PCDHA2: variants seen among roughly 807,000 people sequenced by gnomAD.
PCDHA2 encodes the protein protocadherin alpha 2, also known as protocadherin alpha-2.
Under a neutral mutation model 66.0 loss-of-function variants are expected in PCDHA2, and 58 were observed. That is an observed-to-expected ratio of 0.88 (90% CI 0.71 to 1.09). The LOEUF (loss-of-function observed/expected upper bound fraction) is 1.09. PCDHA2 is among the 50% of genes least tolerant of loss of function. The pLI, the probability that PCDHA2 is intolerant of heterozygous loss-of-function variation, is 0.00. For missense variants in PCDHA2, 1,267 were observed against 1,242.3 expected (o/e 1.02, Z -0.30); for synonymous variants, 634 against 554.0 (o/e 1.14, Z -2.03).
At chr5:140,950,551 G>T (rs1162032370) in intron 1 of PCDHA2, among the ~76,000 whole-genome samples, 1 of 151,932 alleles carries the variant, frequency 6.6e-6, no homozygotes, top group African/African-American at 2.4e-5. Context: ...CATGGCTGGG[G>T]GGACACTTAT....
At chr5:140,832,611 T>C (rs1288145538) in intron 1 of PCDHA2, among the ~76,000 whole-genome samples, 1 of 152,132 alleles carries the variant, frequency 6.6e-6, no homozygotes, top group Non-Finnish European at 1.5e-5. Context: ...TGCTAGTGAG[T>C]AAATGTTTTT....
chr5:140,983,897 G>A (rs155365), intron 3 of PCDHA2, among the ~76,000 whole-genome samples: 149,305 of 152,360 alleles, frequency 0.98, 73,183 homozygotes, highest in Middle Eastern at 1. Flanking sequence ...AAGGGCATTC[G>A]TTGATTCTAA....
At chr5:140,907,181 A>T (rs1216886799) in intron 1 of PCDHA2, among the ~76,000 whole-genome samples, 3 of 152,220 alleles carry the variant, frequency 2.0e-5, no homozygotes, top group African/African-American at 7.2e-5. Context: ...GATTCAGAGC[A>T]TACACAACCT....
chr5:140,931,659 G>A (rs1554208521), intron 1 of PCDHA2, among the ~76,000 whole-genome samples: 1 of 151,694 alleles, frequency 6.6e-6, no homozygotes, highest in Non-Finnish European at 1.5e-5. Flanking sequence ...GTTGTGGGCT[G>A]GATATTTCCT....
intron 1 of PCDHA2, among the ~76,000 whole-genome samples, chr5:140,844,191 G>A (rs1554140562): frequency 6.7e-6 from 1 of 149,410 alleles, no homozygotes; most frequent in South Asian, 2.1e-4. Flanking sequence ...CATCTTATCT[G>A]ACTTTTTAGT....
intron 1 of PCDHA2, chr5:140,807,717 A>G (rs781885240): frequency 6.2e-7 from 1 of 1,614,026 alleles, no homozygotes; most frequent in African/African-American, 1.3e-5. Context: ...CCAAATGAAT[A>G]CTTTTCTCTG....
chr5:140,921,779 T>C (rs1584242105), intron 1 of PCDHA2, among the ~76,000 whole-genome samples: 2 of 152,246 alleles, frequency 1.3e-5, no homozygotes, highest in East Asian at 3.9e-4. Context: ...AATACTGACT[T>C]GGATGTTCTA....
chr5:140,836,380 T>C (rs1554135890), intron 1 of PCDHA2: 1 of 1,613,746 alleles, frequency 6.2e-7, no homozygotes. Flanking sequence ...GCCACCGTGC[T>C]GGTGTCGCTG....
intron 2 of PCDHA2, 73 bp downstream of exon 2, chr5:140,979,080 A>T: frequency 1.3e-6 from 2 of 1,572,720 alleles, no homozygotes; most frequent in Non-Finnish European, 1.7e-6. Context: ...GCATCTCCAT[A>T]GGCCAGAAGC....
At chr5:140,852,796 T>C in intron 1 of PCDHA2, 4 of 976,920 alleles carry the variant, frequency 4.1e-6, no homozygotes, top group Non-Finnish European at 4.9e-6. Context: ...ATGCTACAGA[T>C]GTCATTTGTC....
At chr5:140,919,183 A>T (rs2079029188) in intron 1 of PCDHA2, among the ~76,000 whole-genome samples, 1 of 152,104 alleles carries the variant, frequency 6.6e-6, no homozygotes, top group Non-Finnish European at 1.5e-5. Context: ...TATCTTCCTG[A>T]TTGGTCCTTT....
intron 1 of PCDHA2, chr5:140,822,934 T>C: frequency 6.2e-7 from 1 of 1,614,238 alleles, no homozygotes; most frequent in Non-Finnish European, 8.5e-7. Context: ...GGTGACCTGC[T>C]CCCTAATGCC....
chr5:140,808,231 A>T, intron 1 of PCDHA2: 1 of 1,614,258 alleles, frequency 6.2e-7, no homozygotes, highest in Non-Finnish European at 8.5e-7. Context: ...ATAATGTCCC[A>T]GATTTGGAAT....
At chr5:140,911,592 A>G (rs1255304289) in intron 1 of PCDHA2, among the ~76,000 whole-genome samples, 1 of 152,212 alleles carries the variant, frequency 6.6e-6, no homozygotes, top group Non-Finnish European at 1.5e-5. Flanking sequence ...GGAGGAACCA[A>G]CCAACTTCAT....
chr5:140,944,191 G>C (rs181232402), intron 1 of PCDHA2, among the ~76,000 whole-genome samples: 1 of 151,980 alleles, frequency 6.6e-6, no homozygotes, highest in East Asian at 1.9e-4. Context: ...GGTTTGTTTT[G>C]TTTTGTTTTG....
At chr5:140,997,510 C>T (rs536611731) in intron 3 of PCDHA2, among the ~76,000 whole-genome samples, 60 of 152,102 alleles carry the variant, frequency 3.9e-4, no homozygotes, top group Non-Finnish European at 6.9e-4. Context: ...CATACCTAAA[C>T]GCAGAAAAAG....
intron 1 of PCDHA2, chr5:140,850,802 C>T: frequency 6.3e-7 from 1 of 1,598,420 alleles, no homozygotes; most frequent in Non-Finnish European, 8.6e-7. Flanking sequence ...AGACCGACCT[C>T]ATGGCCTTCA....
At chr5:140,941,973 C>T (rs1249999637) in intron 1 of PCDHA2, among the ~76,000 whole-genome samples, 4 of 152,068 alleles carry the variant, frequency 2.6e-5, no homozygotes, top group Admixed American at 1.3e-4. Context: ...TTTACTTTCC[C>T]TAAACCTTGA....
In PCDHA2 at chr5:141,011,865, G is replaced by A. The variant is rs372303007; in HGVS notation, c.*1928G>A. Reference sequence around the variant, plus strand: ...TAAGACATTTTAATTTTGTTATAATGTACAATTTAGAAGTTTGATTAATTA... The same window carrying A: ...TAAGACATTTTAATTTTGTTATAATATACAATTTAGAAGTTTGATTAATTA... On this transcript the variant is annotated 3_prime_UTR_variant, in exon 4 of 4. Coordinates refer to ENST00000526136, the MANE Select transcript of PCDHA2 (RefSeq NM_018905.3). 40 of 153,574 alleles carry A rather than the reference G, an allele frequency of 2.6e-4. No individual in the cohort carries two copies. The highest frequency in any genetic ancestry group is 3.4e-3 in the Middle Eastern group (1 of 294). 9.5% of individuals were successfully genotyped at this position (153,574 alleles called of 1,614,324 possible).
Sources: allele counts gnomAD v4.1 joint callset (sites outside exome capture counted in the v4.1 genomes callset), GRCh38; gene constraint gnomAD v4.1.1; transcripts MANE v1.5; gene names NCBI Gene and HGNC (gene_info 2026-07-23, HGNC 2026-07-21).